Variants in KCNN2 observed in about 807,000 individuals in gnomAD.
KCNN2 encodes the protein small conductance calcium-activated potassium channel protein 2.
A neutral mutation model predicts 55.5 loss-of-function variants in KCNN2; 24 were observed. That is an observed-to-expected ratio of 0.43 (90% CI 0.31 to 0.61). The LOEUF is 0.61. KCNN2 is among the 20% of genes least tolerant of loss of function. The probability of loss-of-function intolerance (pLI) is 0.08; values close to 1 mark genes in which losing one functional copy is unlikely to be tolerated. For synonymous variants in KCNN2, 431 were observed against 336.1 expected, an observed-to-expected ratio of 1.28 and a Z score of -3.09; for missense variants, 754 against 853.6, an observed-to-expected ratio of 0.88 and a Z score of 1.45.
chr5:114,428,483 C>G (rs894476586), intron 3 of KCNN2, among the ~76,000 whole-genome samples: 2 of 151,830 alleles, frequency 1.3e-5, no homozygotes, highest in African/African-American at 4.8e-5. Flanking sequence ...TGTTTTAAGC[C>G]TTAGTTTTTT....
In KCNN2 at chr5:114,404,629, A is replaced by G; in HGVS notation, c.1410A>G (p.Leu470=). The G allele has an allele frequency of 1.9e-6, 3 of 1,613,908 alleles. No homozygotes were observed. Among genetic ancestry groups the G allele is most frequent in the South Asian group, 2.2e-5 (2 of 91,080 alleles). ...CCACCGCTGATGTGGATATTATTTT[A>G]TCTATACCAATGTTCTTAAGACTCT... ...STTTADVDII[L]SIPMFLRLYL... is the part of the protein sequence containing the mutation. The change falls in exon 3 of 8, where the codon TTA becomes TTG. Residue 470 remains leucine, a synonymous_variant. Coordinates refer to ENST00000673685, the MANE Select transcript of KCNN2 (RefSeq NM_021614.4).
intron 5 of KCNN2, among the ~76,000 whole-genome samples, chr5:114,481,189 T>A (rs149498440): frequency 7.2e-4 from 109 of 152,260 alleles, no homozygotes; most frequent in African/African-American, 2.5e-3. Context: ...ATTGCTAGCA[T>A]TCCTATACAC....
At chr5:114,271,489 G>C (rs1169467857) in intron 2 of KCNN2, among the ~76,000 whole-genome samples, 1 of 152,094 alleles carries the variant, frequency 6.6e-6, no homozygotes, top group African/African-American at 2.4e-5. Context: ...GAAAAACACA[G>C]AAAAGCACAA....
chr5:114,494,999 C>G (rs1410366158), intron 7 of KCNN2, among the ~76,000 whole-genome samples: 1 of 152,144 alleles, frequency 6.6e-6, no homozygotes, highest in Non-Finnish European at 1.5e-5. Flanking sequence ...AAGATTAAAA[C>G]CTTTTCCTCC....
chr5:114,207,894 T>C (rs968255318), intron 1 of KCNN2, among the ~76,000 whole-genome samples: 10 of 152,068 alleles, frequency 6.6e-5, no homozygotes, highest in Non-Finnish European at 1.2e-4. Flanking sequence ...GCAAATACAG[T>C]CAATAAAGTA....
At chr5:114,126,830 G>A (rs556259306) in intron 1 of KCNN2, among the ~76,000 whole-genome samples, 176 of 152,246 alleles carry the variant, frequency 1.2e-3, no homozygotes, top group Middle Eastern at 3.4e-3. Context: ...TTACTTCCTA[G>A]ATACAATGGG....
Position 114,363,088 on chromosome 5 carries a change from A to C in KCNN2, c.949A>C (p.Ser317Arg). 1 of 1,611,988 alleles carries C rather than the reference A, an allele frequency of 6.2e-7. No homozygotes were observed. ...TGGCGGGAGCGGGCACGGCAGCAGC[A>C]GTGGCACCAAGTCCAGCAAAAAGAA... ...GGGGSGHGSS[S>R]GTKSSKKKNQ... The change falls in exon 1 of 8, where the codon AGT becomes CGT. Residue 317 changes from serine to arginine, a missense_variant. Physicochemically the swap from Ser to Arg is moderately radical, Grantham distance 110 (BLOSUM62 -1). This residue lies in a region of KCNN2 where 381 missense variants were observed against 259.1 expected (regional missense o/e 1.47). Transcript: ENST00000673685.
chr5:114,406,265 A>G (rs1758930451), intron 3 of KCNN2, among the ~76,000 whole-genome samples: 1 of 151,116 alleles, frequency 6.6e-6, no homozygotes, highest in South Asian at 2.1e-4. Context: ...ACAATTGCTT[A>G]TGTTGCTGCA....
Position 114,180,564 on chromosome 5 carries a change from T to G in KCNN2, c.-270-40916T>G, listed in dbSNP as rs554512864. On this transcript the variant is annotated intron_variant, in intron 1 of 10. Transcript: ENST00000512097. Reference sequence around the variant, plus strand: ...AAAAGCCATTCTATGCAAAAATACTTTTTATTATCTATTATTATATTAATG... The same window carrying G: ...AAAAGCCATTCTATGCAAAAATACTGTTTATTATCTATTATTATATTAATG... 1.5e-3 allele frequency among the ~76,000 whole-genome samples: 235 copies of G among 152,268 alleles called. 1 individual carries two copies. The highest frequency in any genetic ancestry group is 5.4e-3 in the African/African-American group (223 of 41,562).
intron 2 of KCNN2, among the ~76,000 whole-genome samples, chr5:114,297,502 C>T (rs1346692766): frequency 2.6e-5 from 4 of 152,090 alleles, no homozygotes; most frequent in South Asian, 2.1e-4. Context: ...TCCTACTTTA[C>T]ATTAGGTATG....
chr5:114,207,956 G>A (rs963841058), intron 1 of KCNN2, among the ~76,000 whole-genome samples: 2 of 152,142 alleles, frequency 1.3e-5, no homozygotes, highest in African/African-American at 2.4e-5. Context: ...CTCAGAAGAG[G>A]CTGTTGTGGC....
chr5:114,161,359 G>A lies in KCNN2; in HGVS notation c.-270-60121G>A, dbSNP rs965154118. 5.7e-5 allele frequency among the ~76,000 whole-genome samples: 8 copies of A among 140,954 alleles called. No individual in the cohort carries two copies. The East Asian group carries it at 1.1e-3, about 19-fold the overall frequency. The allele number at this position is 140,954 out of a possible 152,430, so 92.5% of individuals were successfully genotyped here. A position where few individuals can be genotyped will look rare whatever the true frequency, so the allele number is the denominator to read the frequency against. ...CTCTCTCCTGGCTTGTAGAGTTTCTGCCAAGAGATCAGCTGTTAGTCTGAT... is the reference window on the plus strand; with the variant it reads ...CTCTCTCCTGGCTTGTAGAGTTTCTACCAAGAGATCAGCTGTTAGTCTGAT... On this transcript the variant is annotated intron_variant, in intron 1 of 10. Coordinates refer to the KCNN2 transcript ENST00000512097.
At chr5:114,250,179 A>G (rs1168131053) in intron 2 of KCNN2, among the ~76,000 whole-genome samples, 1 of 152,230 alleles carries the variant, frequency 6.6e-6, no homozygotes, top group Non-Finnish European at 1.5e-5. Context: ...CATGTCTAGC[A>G]TGAGCAGTTT....
rs1761403128 is a variant in KCNN2, at chr5:114,465,509, G to A, written c.1779+2319G>A. On this transcript the variant is annotated intron_variant, in intron 4 of 7. Transcript: ENST00000673685. ...TGCCTATAATCCCAGCTATTCAGGA[G>A]GCTGAGGCAGGAGAATCTCTTGAAC... Among the ~76,000 whole-genome samples, 7 of 152,208 alleles carry A rather than the reference G, an allele frequency of 4.6e-5. No individual in the cohort carries two copies. In the South Asian group the frequency reaches 1.5e-3, roughly 32 times the overall value.
At chr5:114,114,105 T>C (rs532695323) in intron 1 of KCNN2, among the ~76,000 whole-genome samples, 1 of 152,148 alleles carries the variant, frequency 6.6e-6, no homozygotes, top group Non-Finnish European at 1.5e-5. Flanking sequence ...TTTATTCTTC[T>C]GGTTTTTCTA....
At chr5:114,299,175 A>G (rs560108510) in intron 2 of KCNN2, among the ~76,000 whole-genome samples, 2 of 137,600 alleles carry the variant, frequency 1.5e-5, no homozygotes, top group African/African-American at 5.4e-5. Context: ...CTGCATCTGT[A>G]AGGTTGGTTT....
intron 2 of KCNN2, among the ~76,000 whole-genome samples, chr5:114,323,021 A>G (rs536948064): frequency 3.7e-4 from 56 of 152,324 alleles, no homozygotes; most frequent in Non-Finnish European, 7.1e-4. Flanking sequence ...ATAAGTGCTT[A>G]TCATTTAGCT....
At chr5:114,355,188 G>A (rs968626868) in intron 2 of KCNN2, among the ~76,000 whole-genome samples, 1 of 152,234 alleles carries the variant, frequency 6.6e-6, no homozygotes, top group African/African-American at 2.4e-5. Context: ...AAAGTTAGAC[G>A]AAGAGTAGTA....
chr5:114,216,207 A>G (rs972274371), intron 1 of KCNN2, among the ~76,000 whole-genome samples: 15 of 152,170 alleles, frequency 9.9e-5, no homozygotes, highest in African/African-American at 3.6e-4. Context: ...TTTCAACAAC[A>G]TGAGAAACAA....
Sources: allele counts gnomAD v4.1 joint callset (sites outside exome capture counted in the v4.1 genomes callset), GRCh38; gene constraint gnomAD v4.1.1; regional missense constraint gnomAD v4.1.1; transcripts MANE v1.5; gene names NCBI Gene and HGNC (gene_info 2026-07-23, HGNC 2026-07-21).